The following ITGA11 variants were observed in gnomAD, a reference collection of about 807,000 sequenced individuals.
ITGA11 encodes integrin alpha-11.
Under a neutral mutation model 141.9 loss-of-function variants are expected in ITGA11, and 97 were observed. The observed-to-expected ratio is 0.68, with a 90% CI of 0.58 to 0.81. The LOEUF (loss-of-function observed/expected upper bound fraction) is 0.81. ITGA11 is among the 30% of genes least tolerant of loss of function. The pLI, the probability that ITGA11 is intolerant of heterozygous loss-of-function variation, is 0.00. For synonymous variants in ITGA11, 658 were observed against 624.6 expected, an observed-to-expected ratio of 1.05 and a Z score of -0.80; for missense variants, 1,387 against 1,559.2, an observed-to-expected ratio of 0.89 and a Z score of 1.86.
chr15:68,343,378 C>T (rs533476727), intron 10 of ITGA11, among the ~76,000 whole-genome samples: 1 of 152,158 alleles, frequency 6.6e-6, no homozygotes, highest in Non-Finnish European at 1.5e-5. Flanking sequence ...ATTAGTAAGT[C>T]TCAAAACGAA....
In ITGA11 at chr15:68,364,817, T is replaced by A. The variant is rs775814921; in HGVS notation, c.266-19A>T. On this transcript the variant is annotated intron_variant, in intron 3 of 29. Coordinates refer to ENST00000315757, the MANE Select transcript of ITGA11 (RefSeq NM_001004439.2). Reference sequence around the variant, plus strand: ...ACCCTTCCTGGGGTTGGGGGAGAAGTTCAGCTTGCAGCCCCCTCCTGCCCG... The same window carrying A: ...ACCCTTCCTGGGGTTGGGGGAGAAGATCAGCTTGCAGCCCCCTCCTGCCCG... 6.2e-7 allele frequency: 1 copy of A among 1,610,140 alleles called. No homozygotes were observed. Among genetic ancestry groups the A allele is most frequent in the South Asian group, 1.1e-5 (1 of 90,862 alleles).
chr15:68,316,304 G>A lies in ITGA11; in HGVS notation c.2716-577C>T, dbSNP rs372788125. ...TGACCTGGGCCCTGATACTCCCCTT[G>A]CCCTTCGCCCCGCGGTGGGGAAACA... On this transcript the variant is annotated intron_variant, in intron 21 of 29. Coordinates refer to ENST00000315757, the MANE Select transcript of ITGA11 (RefSeq NM_001004439.2). 1.2e-4 allele frequency among the ~76,000 whole-genome samples: 18 copies of A among 152,346 alleles called. No individual in the cohort carries two copies. The South Asian group carries it at 3.1e-3, about 26-fold the overall frequency.
At chr15:68,393,293 G>T (rs921160919) in intron 2 of ITGA11, among the ~76,000 whole-genome samples, 30 of 152,030 alleles carry the variant, frequency 2.0e-4, no homozygotes, top group African/African-American at 6.8e-4. Context: ...AAGGAGAGAA[G>T]AAATGGGACA....
chr15:68,349,054 G>A (rs975861855), intron 9 of ITGA11, among the ~76,000 whole-genome samples, 154 bp from the exon 10 acceptor site: 1 of 152,164 alleles, frequency 6.6e-6, no homozygotes, highest in African/African-American at 2.4e-5. Context: ...GGCCAGTAGT[G>A]TGCCAGCCTC....
At chr15:68,330,509 AG>A (rs1457826195) in intron 15 of ITGA11, among the ~76,000 whole-genome samples, 27 of 151,864 alleles carry the variant, frequency 1.8e-4, no homozygotes, top group African/African-American at 5.8e-4. Context: ...TGGCTCAAAA[AG>A]CAGCAAACAT....
chr15:68,332,378 C>A lies in ITGA11; in HGVS notation c.1526G>T (p.Gly509Val). 1 of 1,609,658 alleles carries A rather than the reference C, an allele frequency of 6.2e-7. No homozygotes were observed. Among genetic ancestry groups the A allele is most frequent in the Non-Finnish European group, 8.5e-7 (1 of 1,178,370 alleles). ...LVGAPMYFNEGRERGKVYVYE... is the reference protein window; with the variant it reads ...LVGAPMYFNEVRERGKVYVYE... Reference sequence around the variant, plus strand: ...GACGTACACCTTGCCTCGCTCACGGCCCTCGTTGAAGTACATGGGTGCGCC... The same window carrying A: ...GACGTACACCTTGCCTCGCTCACGGACCTCGTTGAAGTACATGGGTGCGCC... The change falls in exon 13 of 30, where the codon GGC becomes GTC. Residue 509 changes from glycine to valine, a missense_variant. Transcript: ENST00000315757.
At position 68,328,060 on chromosome 15, in the gene ITGA11, G is replaced by C; in HGVS notation, c.2068+36C>G. Reference sequence around the variant, plus strand: ...GAGCAAGGTGCAGGGGGAGACTGGAGTCTGGGGGTGGGGAGAAAGGAGGGG... The same window carrying C: ...GAGCAAGGTGCAGGGGGAGACTGGACTCTGGGGGTGGGGAGAAAGGAGGGG... On this transcript the variant is annotated intron_variant, in intron 16 of 29. Coordinates refer to ENST00000315757, the MANE Select transcript of ITGA11 (RefSeq NM_001004439.2). The surrounding 1 kb of genome is among the most constrained non-coding windows in gnomAD (Gnocchi z 4.8). 1 of 1,590,040 alleles carries C rather than the reference G, an allele frequency of 6.3e-7. No homozygotes were observed. Among genetic ancestry groups the C allele is most frequent in the Non-Finnish European group, 8.6e-7 (1 of 1,167,118 alleles).
chr15:68,311,837 A>G (rs898590), intron 24 of ITGA11, among the ~76,000 whole-genome samples: 101,615 of 152,142 alleles, frequency 0.67, 34,425 homozygotes, highest in East Asian at 0.95. Context: ...TAAGGAGTGC[A>G]TGATTGTTCA....
At chr15:68,316,705 C>T (rs73429852) in intron 21 of ITGA11, among the ~76,000 whole-genome samples, 3,112 of 152,310 alleles carry the variant, frequency 0.02, 100 homozygotes, top group African/African-American at 0.07. Context: ...TCTCTGATTC[C>T]CAAGTCCACG....
chr15:68,395,264 T>C (rs1896203798), intron 2 of ITGA11, among the ~76,000 whole-genome samples: 1 of 152,136 alleles, frequency 6.6e-6, no homozygotes, highest in Admixed American at 6.5e-5. Context: ...GTCAGAGCAC[T>C]TTTGTCCTCC....
chr15:68,358,516 A>T lies in ITGA11; in HGVS notation c.542T>A (p.Val181Asp). Residue 181 changes from valine (V) to aspartate (D), a missense_variant, in exon 6 of 30, where the codon GTT (valine) becomes GAT (aspartate). By Grantham distance (152) the Val-to-Asp change is radical (BLOSUM62 -3). Transcript: ENST00000315757. ...GSNSIYPWVE[V>D]QHFLINILKK... ...CAGGATGTTGATGAGGAAGTGCTGA[A>T]CCTCCACCCAGGGGTAGATGCTGTT... is the stretch of plus-strand genomic sequence containing the variant. The T allele has an allele frequency of 6.2e-7, 1 of 1,614,016 alleles. No homozygotes were observed. Among genetic ancestry groups the T allele is most frequent in the Non-Finnish European group, 8.5e-7 (1 of 1,179,948 alleles).
intron 1 of ITGA11, among the ~76,000 whole-genome samples, chr15:68,413,005 A>T (rs1360754144): frequency 6.6e-6 from 1 of 152,156 alleles, no homozygotes; most frequent in African/African-American, 2.4e-5. Context: ...ACAAGCAGGA[A>T]TTTTCCAGAT....
intron 1 of ITGA11, among the ~76,000 whole-genome samples, chr15:68,424,866 C>T (rs929147835): frequency 1.6e-4 from 25 of 152,234 alleles, no homozygotes; most frequent in African/African-American, 5.3e-4. Context: ...GAGGCAATAA[C>T]TGGAGACAGA....
chr15:68,421,350 G>A (rs1897012858), intron 1 of ITGA11, among the ~76,000 whole-genome samples: 1 of 152,244 alleles, frequency 6.6e-6, no homozygotes, highest in Non-Finnish European at 1.5e-5. Context: ...GAGTGAGCCA[G>A]TGGGGAAGGC....
rs1397297890 is a variant in ITGA11 at position 68,305,167 on chromosome 15, A to C, written c.3382-1282T>G. ...AGCTTTCAGCCACCTGGCCTCCAGC[A>C]TGCATGCCATGGCGTGCCTGCTGTA... is the stretch of plus-strand genomic sequence containing the variant. On this transcript the variant is annotated intron_variant, in intron 28 of 29. Transcript: ENST00000315757. This position sits in a 1 kb window ranked among gnomAD's most constrained non-coding sequence, Gnocchi z 4.6. 1.3e-5 allele frequency among the ~76,000 whole-genome samples: 2 copies of C among 152,190 alleles called. No individual in the cohort carries two copies. Among genetic ancestry groups the C allele is most frequent in the Non-Finnish European group, 2.9e-5 (2 of 68,030 alleles).
intron 2 of ITGA11, among the ~76,000 whole-genome samples, chr15:68,372,260 G>A (rs1472486417): frequency 4.6e-5 from 7 of 152,156 alleles, no homozygotes; most frequent in Non-Finnish European, 7.4e-5. Context: ...GATAACTGCC[G>A]AAGCGCAGGG....
In ITGA11 at chr15:68,303,075, G is replaced by C. The variant is rs996887406; in HGVS notation, c.3551C>G (p.Pro1184Arg). ...TCTGGAGCCTCACTCCAGCACTTTG[G>C]GGGTGGGGTCCAGACCAGGCTCCCT... ...RRREPGLDPT[P>R]KVLE is the part of the protein sequence containing the mutation. Residue 1184 changes from proline to arginine, a missense_variant, in exon 30 of 30, where the codon CCC becomes CGC. Coordinates refer to ENST00000315757, the MANE Select transcript of ITGA11 (RefSeq NM_001004439.2). The surrounding 1 kb of genome is among the most constrained non-coding windows in gnomAD (Gnocchi z 5.3). 6 of 1,550,010 alleles carry C rather than the reference G, an allele frequency of 3.9e-6. No individual in the cohort carries two copies. Among genetic ancestry groups the C allele is most frequent in the African/African-American group, 2.7e-5 (2 of 72,994 alleles).
At chr15:68,306,189 C>CAAA (rs1234651031) in intron 28 of ITGA11, among the ~76,000 whole-genome samples, 4 of 83,046 alleles carry the variant, frequency 4.8e-5, no homozygotes, top group African/African-American at 1.9e-4. Flanking sequence ...GACTCCGTCT[C>CAAA]AAAAAAAAAA....
chr15:68,307,551 T>A lies in ITGA11; in HGVS notation c.3285+35A>T. The stretch of plus-strand genomic sequence containing the variant: ...ATCCCAACAGCCGCCCCCTTTCCCT[T>A]CTTCCTTCCAGCCCAGCCCAGGGGC... On this transcript the variant is annotated intron_variant, in intron 27 of 29. Coordinates refer to ENST00000315757, the MANE Select transcript of ITGA11 (RefSeq NM_001004439.2). The surrounding 1 kb of genome is among the most constrained non-coding windows in gnomAD (Gnocchi z 6.1). The A allele has an allele frequency of 6.4e-7, 1 of 1,557,704 alleles. No individual in the cohort carries two copies. The highest frequency in any genetic ancestry group is 8.8e-7 in the Non-Finnish European group (1 of 1,136,906).
Sources: gnomAD v4.1 joint callset for allele counts (sites outside exome capture counted in the v4.1 genomes callset) on GRCh38, gnomAD v4.1.1 for gene constraint, Gnocchi (gnomAD v3.1) non-coding constraint, MANE v1.5 for transcripts, NCBI Gene and HGNC (gene_info 2026-07-23, HGNC 2026-07-21) for gene names.